Variants in JAK1 observed in about 807,000 individuals in gnomAD.
The protein encoded by JAK1 is tyrosine-protein kinase JAK1.
JAK1 carries 16 observed loss-of-function variants against 136.6 expected under a neutral mutation model. The observed-to-expected ratio is 0.12, with a 90% CI of 0.08 to 0.18. The LOEUF is 0.18. Among genes scored for constraint, JAK1 ranks in the 10% least tolerant of loss-of-function variants. The probability of loss-of-function intolerance (pLI) is 1.00; values close to 1 mark genes in which losing one functional copy is unlikely to be tolerated. For missense variants in JAK1, 859 were observed against 1,450.1 expected (o/e 0.59, Z 6.62); for synonymous variants, 492 against 519.5 (o/e 0.95, Z 0.72).
intron 24 of JAK1, among the ~76,000 whole-genome samples, chr1:64,835,138 C>A (rs1191958457): frequency 1.3e-5 from 2 of 152,216 alleles, no homozygotes; most frequent in Non-Finnish European, 2.9e-5. Context: ...CAAAACCTGT[C>A]CCTCTGGGGC....
chr1:64,916,327 C>T (rs1407308380), intron 1 of JAK1, among the ~76,000 whole-genome samples: 3 of 151,932 alleles, frequency 2.0e-5, no homozygotes, highest in Non-Finnish European at 4.4e-5. Context: ...AAGGAGCTCT[C>T]GAATATTAAA....
chr1:64,867,331 A>T, intron 6 of JAK1, 123 bp from the exon 7 acceptor site: 1 of 672,704 alleles, frequency 1.5e-6, no homozygotes, highest in Non-Finnish European at 2.5e-6. Flanking sequence ...CTATTCCCAG[A>T]GGACGTTAGA....
intron 1 of JAK1, among the ~76,000 whole-genome samples, chr1:65,060,596 A>AT (rs1489931324): frequency 6.6e-6 from 1 of 151,910 alleles, no homozygotes; most frequent in Admixed American, 6.6e-5. Flanking sequence ...CTCTCATTTC[A>AT]TTTTTTTACC....
intron 2 of JAK1, among the ~76,000 whole-genome samples, chr1:65,044,351 T>C (rs532981444): frequency 1.3e-5 from 2 of 152,318 alleles, no homozygotes; most frequent in South Asian, 2.1e-4. Context: ...TGTTTTTCAG[T>C]GAGCCCATCA....
intron 2 of JAK1, among the ~76,000 whole-genome samples, chr1:64,975,286 GC>G (rs776994899): frequency 2.2e-4 from 34 of 152,132 alleles, no homozygotes; most frequent in Non-Finnish European, 4.1e-4. Context: ...TCATATACCT[GC>G]CATGCTCTGT....
chr1:64,974,113 A>G (rs1446872984), intron 2 of JAK1: 1 of 152,224 alleles, frequency 6.6e-6, no homozygotes, highest in Non-Finnish European at 1.5e-5. Context: ...TCATAAATTC[A>G]ATACATAGGT....
intron 2 of JAK1, among the ~76,000 whole-genome samples, chr1:65,007,538 G>A (rs1032554165): frequency 1.1e-4 from 17 of 152,058 alleles, no homozygotes; most frequent in African/African-American, 3.4e-4. Flanking sequence ...TCAGCTCACC[G>A]CAACCTCCAC....
chr1:65,044,161 T>C (rs1237397950), intron 2 of JAK1, among the ~76,000 whole-genome samples: 1 of 152,162 alleles, frequency 6.6e-6, no homozygotes, highest in Non-Finnish European at 1.5e-5. Context: ...CCAGCCCTAT[T>C]TACGTAACAT....
At chr1:64,846,407 G>A (rs979218156) in intron 14 of JAK1, among the ~76,000 whole-genome samples, 1 of 128,992 alleles carries the variant, frequency 7.8e-6, no homozygotes, top group Non-Finnish European at 1.6e-5. Context: ...CTAGCACAGT[G>A]TAGGGTTCTT....
intron 1 of JAK1, among the ~76,000 whole-genome samples, chr1:64,956,332 GT>G (rs2100604444): frequency 6.6e-6 from 1 of 152,348 alleles, no homozygotes; most frequent in African/African-American, 2.4e-5. Flanking sequence ...AATGGGAGGT[GT>G]CAAAGGACAC....
intron 2 of JAK1, chr1:64,991,717 T>G (rs1001374118): frequency 1.3e-5 from 2 of 152,170 alleles, no homozygotes; most frequent in African/African-American, 4.8e-5. Flanking sequence ...CTACTTGAAC[T>G]AATAAATGAA....
chr1:64,897,886 TGTC>T (rs1645048122), intron 1 of JAK1, among the ~76,000 whole-genome samples: 1 of 152,086 alleles, frequency 6.6e-6, no homozygotes, highest in Non-Finnish European at 1.5e-5. Context: ...GTAAAAATAA[TGTC>T]CTTCTTTTTA....
chr1:65,033,692 A>G (rs1441393118), intron 2 of JAK1, among the ~76,000 whole-genome samples: 2 of 147,142 alleles, frequency 1.4e-5, no homozygotes, highest in African/African-American at 5.1e-5. Flanking sequence ...GTTTGAGATC[A>G]GCCCAGGTAA....
intron 1 of JAK1, among the ~76,000 whole-genome samples, chr1:64,896,616 G>A (rs997927736): frequency 2.0e-5 from 3 of 152,172 alleles, no homozygotes; most frequent in East Asian, 1.9e-4. Context: ...TAAAGCCTGC[G>A]ATGCACAGCT....
chr1:64,986,109 GTTTT>G, intron 2 of JAK1: 4 of 553,406 alleles, frequency 7.2e-6, no homozygotes, highest in Non-Finnish European at 1.2e-5. Flanking sequence ...CAATCTAATT[GTTTT>G]TTTTTTTTTT....
chr1:64,887,369 G>A (rs1644867796), intron 1 of JAK1, among the ~76,000 whole-genome samples: 1 of 152,158 alleles, frequency 6.6e-6, no homozygotes, highest in Non-Finnish European at 1.5e-5. Context: ...ATAATCAATT[G>A]TTTTAATTAT....
chr1:64,986,941 T>C (rs1327210187), intron 2 of JAK1, among the ~76,000 whole-genome samples: 1 of 152,182 alleles, frequency 6.6e-6, no homozygotes, highest in Non-Finnish European at 1.5e-5. Context: ...GTAAGCTCTT[T>C]ATAAAGTTGA....
chr1:65,026,460 G>A (rs766088169), intron 2 of JAK1, among the ~76,000 whole-genome samples: 20 of 152,132 alleles, frequency 1.3e-4, no homozygotes, highest in Non-Finnish European at 7.3e-5. Flanking sequence ...GTGAAAATGA[G>A]TGCCAGCTTC....
At chr1:65,015,194 G>A (rs1413385971) in intron 2 of JAK1, among the ~76,000 whole-genome samples, 2 of 152,154 alleles carry the variant, frequency 1.3e-5, no homozygotes, top group Non-Finnish European at 2.9e-5. Context: ...AGTAAAGAGA[G>A]TGGTAAATAT....
Sources: allele counts gnomAD v4.1 joint callset (sites outside exome capture counted in the v4.1 genomes callset), GRCh38; gene constraint gnomAD v4.1.1; transcripts MANE v1.5; gene names NCBI Gene and HGNC (gene_info 2026-07-23, HGNC 2026-07-21).